Variants in TRIM3 observed in about 807,000 individuals in gnomAD.
TRIM3 encodes tripartite motif containing 3.
In TRIM3, 13 loss-of-function variants were observed where a neutral mutation model predicts 66.6. The observed-to-expected ratio is 0.20, with a 90% confidence interval of 0.13 to 0.31. The LOEUF (loss-of-function observed/expected upper bound fraction) is 0.31, where lower values mean the gene tolerates loss of function less well. Among genes scored for constraint, TRIM3 ranks in the 10% least tolerant of loss-of-function variants. TRIM3 has a pLI of 1.00. For synonymous variants in TRIM3, 406 were observed against 411.7 expected (o/e 0.99, Z 0.17); for missense variants, 711 against 1,020.4 (o/e 0.70, Z 4.13).
Position 6,462,585 on chromosome 11 carries a change from C to T in TRIM3, c.131+2980G>A, listed in dbSNP as rs1202393499. Among the ~76,000 whole-genome samples the T allele has an allele frequency of 2.0e-5, 3 of 151,686 alleles. No homozygotes were observed. The South Asian group carries it at 6.3e-4, about 32-fold the overall frequency. ...ACCACACCCAGCTAATTTTTAAATT[C>T]TTTTTTAGAGACTGCATCTCACTAT... On this transcript the variant is annotated intron_variant, in intron 2 of 11. Transcript: ENST00000345851.
intron 2 of TRIM3, among the ~76,000 whole-genome samples, chr11:6,465,327 G>T (rs1385457057): frequency 6.6e-6 from 1 of 152,168 alleles, no homozygotes; most frequent in Non-Finnish European, 1.5e-5. Context: ...GACAGAGAAG[G>T]CCCTATTCTT....
intron 2 of TRIM3, among the ~76,000 whole-genome samples, chr11:6,459,400 G>A (rs531416855): frequency 6.6e-6 from 1 of 152,208 alleles, no homozygotes; most frequent in Admixed American, 6.5e-5. Context: ...TGTGGGGAGT[G>A]AATTTAAAGG....
intron 2 of TRIM3, among the ~76,000 whole-genome samples, chr11:6,460,345 G>A (rs1041661121): frequency 6.6e-6 from 1 of 152,164 alleles, no homozygotes; most frequent in Non-Finnish European, 1.5e-5. Context: ...ATGAGGAGCT[G>A]GTTGAGGGGT....
chr11:6,468,024 C>G (rs1445644956), intron 1 of TRIM3, among the ~76,000 whole-genome samples: 1 of 152,170 alleles, frequency 6.6e-6, no homozygotes, highest in East Asian at 1.9e-4. Context: ...TGGCTCACAT[C>G]TGTAATCCCA....
chr11:6,456,952 T>G lies in TRIM3; in HGVS notation c.774A>C (p.Ala258=). Residue 258 remains alanine, a synonymous_variant, in exon 6 of 12, where the codon GCA becomes GCC. Transcript: ENST00000345851. The surrounding 1 kb of genome is among the most constrained non-coding windows in gnomAD (Gnocchi z 6.4). ...CCTCCGGGGCCGAGCCCAGGCGCAG[T>G]GCCTGCTCTGCAAAGCTGCAGCTAC... ...IGSSCSFAEQ[A]LRLGSAPEVL... is the part of the protein sequence containing the mutation. 6.2e-7 allele frequency: 1 copy of G among 1,609,616 alleles called. No homozygotes were observed. Among genetic ancestry groups the G allele is most frequent in the Admixed American group, 1.7e-5 (1 of 60,022 alleles).
intron 2 of TRIM3, among the ~76,000 whole-genome samples, chr11:6,460,733 C>T (rs895008523): frequency 2.0e-5 from 3 of 152,084 alleles, no homozygotes; most frequent in African/African-American, 7.2e-5. Context: ...TGAAGATCTG[C>T]ATTATGCAAA....
chr11:6,454,246 C>A (rs953031127), intron 7 of TRIM3, among the ~76,000 whole-genome samples: 1 of 151,950 alleles, frequency 6.6e-6, no homozygotes, highest in Non-Finnish European at 1.5e-5. Context: ...AATAAATTAG[C>A]CAGGTATAGT....
At chr11:6,463,073 C>A (rs932089883) in intron 2 of TRIM3, among the ~76,000 whole-genome samples, 2 of 151,890 alleles carry the variant, frequency 1.3e-5, no homozygotes, top group Admixed American at 6.6e-5. Context: ...GATGTGGTGG[C>A]GTGCGCCTGT....
chr11:6,464,563 C>T (rs374021380), intron 2 of TRIM3, among the ~76,000 whole-genome samples: 8 of 152,214 alleles, frequency 5.3e-5, no homozygotes, highest in African/African-American at 1.9e-4. Flanking sequence ...TTTCACTATA[C>T]TGTTAGCTCT....
Position 6,465,811 on chromosome 11 carries a change from A to C in TRIM3, c.-37-79T>G, listed in dbSNP as rs1850441156. 3 of 1,374,046 alleles carry C rather than the reference A, an allele frequency of 2.2e-6. No individual in the cohort carries two copies. In the African/African-American group the frequency reaches 4.3e-5, roughly 20 times the overall value. The allele number at this position is 1,374,046 out of a possible 1,614,324, so 85.1% of individuals were successfully genotyped here. On this transcript the variant is annotated intron_variant, in intron 1 of 11. Coordinates refer to ENST00000345851, the MANE Select transcript of TRIM3 (RefSeq NM_033278.4). ...AATCCCCGCCACTCAAATCCCCTGC[A>C]GAGAACTTGCCCCCACCTCTTCCCT...
In TRIM3 at chr11:6,456,438, C is replaced by T. The variant is rs900535416; in HGVS notation, c.1288G>A (p.Asp430Asn). The T allele has an allele frequency of 2.7e-5, 42 of 1,531,812 alleles. No homozygotes were observed. The highest frequency in any genetic ancestry group is 3.7e-5 in the Non-Finnish European group (42 of 1,137,758). The allele number at this position is 1,531,812 out of a possible 1,614,324, so 94.9% of individuals were successfully genotyped here. A position where few individuals can be genotyped will look rare whatever the true frequency, so the allele number is the denominator to read the frequency against. ...GGGGACTTGACACGGCGCTTCACAT[C>T]GTCCGGGGAAGGTGGCAGGTCCCCC... Reference protein sequence around the residue: ...RPGDLPPSPDDVKRRVKSPGG... With the variant: ...RPGDLPPSPDNVKRRVKSPGG... Residue 430 changes from aspartate to asparagine, a missense_variant, in exon 6 of 12, where the codon GAT becomes AAT. Asp to Asn is a conservative substitution (Grantham distance 23, BLOSUM62 1). Around this residue, in one of 3 missense-constraint regions of TRIM3, gnomAD observed 399 missense variants for 458.1 expected, o/e 0.87. Transcript: ENST00000345851. The surrounding 1 kb of genome is among the most constrained non-coding windows in gnomAD (Gnocchi z 6.4).
At chr11:6,455,881 G>A (rs1428126820) in intron 7 of TRIM3, among the ~76,000 whole-genome samples, 191 bp downstream of exon 7, 1 of 152,224 alleles carries the variant, frequency 6.6e-6, no homozygotes, top group Non-Finnish European at 1.5e-5. Context: ...GCTGGTTACA[G>A]TTGTGGCCTA....
chr11:6,454,461 G>C (rs1448419987), intron 7 of TRIM3, among the ~76,000 whole-genome samples: 2 of 151,892 alleles, frequency 1.3e-5, no homozygotes, highest in Non-Finnish European at 2.9e-5. Context: ...GTTTTTCTGT[G>C]CATGTGAGCA....
rs1849688295 is a variant in TRIM3 at position 6,450,779 on chromosome 11, G to T, written c.1870+113C>A. 1 of 1,491,620 alleles carries T rather than the reference G, an allele frequency of 6.7e-7. No individual in the cohort carries two copies. The highest frequency in any genetic ancestry group is 9.2e-7 in the Non-Finnish European group (1 of 1,083,712). 92.4% of individuals were successfully genotyped at this position (1,491,620 alleles called of 1,614,324 possible). ...AGATGATAGGGCTAACGTAAGGGAA[G>T]TGGGATCTCCAGAGCCAAGATATAG... On this transcript the variant is annotated intron_variant, in intron 9 of 11. Coordinates refer to ENST00000345851, the MANE Select transcript of TRIM3 (RefSeq NM_033278.4). This position sits in a 1 kb window ranked among gnomAD's most constrained non-coding sequence, Gnocchi z 4.8.
chr11:6,453,797 A>G (rs1269682732), intron 7 of TRIM3, among the ~76,000 whole-genome samples: 1 of 152,196 alleles, frequency 6.6e-6, no homozygotes, highest in Non-Finnish European at 1.5e-5. Context: ...ATCCTCCACC[A>G]TAGAAGTGTC....
rs1168699573 is a variant in TRIM3 at position 6,450,866 on chromosome 11, T to A, written c.1870+26A>T. On this transcript the variant is annotated intron_variant, in intron 9 of 11. Coordinates refer to ENST00000345851, the MANE Select transcript of TRIM3 (RefSeq NM_033278.4). This position sits in a 1 kb window ranked among gnomAD's most constrained non-coding sequence, Gnocchi z 4.8. ...GTTCTCTGGAACAGGGGTATCAGCA[T>A]AGATCTTGGAGCTGTCCCCCTATAC... The A allele has an allele frequency of 6.2e-7, 1 of 1,613,324 alleles. No individual in the cohort carries two copies. Among genetic ancestry groups the A allele is most frequent in the African/African-American group, 1.3e-5 (1 of 74,918 alleles).
At position 6,472,623 on chromosome 11, in the gene TRIM3, T is replaced by C. The variant is rs190048743; in HGVS notation, c.-38+1168A>G. Among the ~76,000 whole-genome samples the C allele has an allele frequency of 2.7e-3, 408 of 152,360 alleles. 2 individuals are homozygous for C. Among genetic ancestry groups the C allele is most frequent in the African/African-American group, 9.1e-3 (380 of 41,586 alleles). On this transcript the variant is annotated intron_variant, in intron 1 of 11. Transcript: ENST00000345851. ...TCTCCTAAGTGGCTGTGGCAGTACC[T>C]GGCACACAGGAAGTACTCAGTATAT...
intron 1 of TRIM3, 87 bp from the exon 2 acceptor site, chr11:6,465,819 TG>T: frequency 1.6e-6 from 2 of 1,245,074 alleles, no homozygotes. Flanking sequence ...GCAGAGAACT[TG>T]CCCCCACCTC....
At position 6,458,333 on chromosome 11, in the gene TRIM3, G is replaced by A; in HGVS notation, c.132-37C>T. The A allele has an allele frequency of 6.4e-7, 1 of 1,570,254 alleles. No homozygotes were observed. The highest frequency in any genetic ancestry group is 8.7e-7 in the Non-Finnish European group (1 of 1,145,176). On this transcript the variant is annotated intron_variant, in intron 2 of 11. Coordinates refer to ENST00000345851, the MANE Select transcript of TRIM3 (RefSeq NM_033278.4). This position sits in a 1 kb window ranked among gnomAD's most constrained non-coding sequence, Gnocchi z 6.2. ...GGAGAGTCAAAGAACAGAGTGGGTG[G>A]GGTGGCATAAGTGCACCCTTCCTTA...
Sources: allele counts gnomAD v4.1 joint callset (sites outside exome capture counted in the v4.1 genomes callset), GRCh38; gene constraint gnomAD v4.1.1; regional missense constraint gnomAD v4.1.1; non-coding constraint Gnocchi (gnomAD v3.1); transcripts MANE v1.5; gene names NCBI Gene and HGNC (gene_info 2026-07-23, HGNC 2026-07-21).